Variants in MYOM1 observed in about 807,000 individuals in gnomAD.
MYOM1 encodes myomesin-1.
In MYOM1, 164 loss-of-function variants were observed where a neutral mutation model predicts 205.3. The ratio of observed to expected loss-of-function variants is 0.80; its 90% CI spans 0.70 to 0.91. The LOEUF is 0.91. MYOM1 is among the 40% of genes least tolerant of loss of function. The pLI is 0.00. For synonymous variants in MYOM1, 772 were observed against 789.4 expected (o/e 0.98, Z 0.37); for missense variants, 2,011 against 2,127.3 (o/e 0.95, Z 1.08).
At chr18:3,187,395 G>T in intron 5 of MYOM1, 85 bp downstream of exon 5, 2 of 1,416,522 alleles carry the variant, frequency 1.4e-6, no homozygotes, top group South Asian at 1.3e-5. Flanking sequence ...ATTGACTCTT[G>T]CATATGGTTG....
At chr18:3,080,944 C>T (rs889983044) in intron 33 of MYOM1, among the ~76,000 whole-genome samples, 28 of 151,932 alleles carry the variant, frequency 1.8e-4, no homozygotes, top group African/African-American at 6.5e-4. Context: ...CCAGCCTGGC[C>T]AGCATGGTGA....
At position 3,214,914 on chromosome 18, in the gene MYOM1, G is replaced by A. The variant is rs1470128785; in HGVS notation, c.290+20C>T. The A allele has an allele frequency of 4.5e-6, 7 of 1,560,254 alleles. No homozygotes were observed. Among genetic ancestry groups the A allele is most frequent in the East Asian group, 2.3e-5 (1 of 44,248 alleles). ...GCCTCTTCCTGAGGTTGGAAGGTTGGAGGAGGGCGTCCGACATACCCATGG... is the reference window on the plus strand; with the variant it reads ...GCCTCTTCCTGAGGTTGGAAGGTTGAAGGAGGGCGTCCGACATACCCATGG... On this transcript the variant is annotated intron_variant, in intron 2 of 37. Coordinates refer to ENST00000356443, the MANE Select transcript of MYOM1 (RefSeq NM_003803.4).
intron 2 of MYOM1, among the ~76,000 whole-genome samples, chr18:3,210,051 CTT>C (rs1165092365): frequency 2.0e-5 from 3 of 152,208 alleles, no homozygotes. Context: ...ATGATTATCT[CTT>C]TTCGACCTCA....
intron 14 of MYOM1, among the ~76,000 whole-genome samples, chr18:3,136,644 G>T (rs1335944698): frequency 6.6e-6 from 1 of 151,882 alleles, no homozygotes. Context: ...GCCTAGGCTG[G>T]TCTCGAACTC....
At chr18:3,164,627 G>A (rs1376125551) in intron 9 of MYOM1, among the ~76,000 whole-genome samples, 188 bp from the exon 10 acceptor site, 1 of 152,140 alleles carries the variant, frequency 6.6e-6, no homozygotes, top group East Asian at 1.9e-4. Context: ...AAAGTAAGGG[G>A]ATAAGGGGCA....
chr18:3,118,089 A>C (rs995267335), intron 20 of MYOM1, among the ~76,000 whole-genome samples: 2 of 152,132 alleles, frequency 1.3e-5, no homozygotes, highest in Non-Finnish European at 2.9e-5. Flanking sequence ...TCCTACCCTA[A>C]TTATGCTACT....
upstream of MYOM1, among the ~76,000 whole-genome samples, chr18:3,222,370 G>C (rs1947251672): frequency 6.6e-6 from 1 of 152,234 alleles, no homozygotes; most frequent in Non-Finnish European, 1.5e-5. Context: ...TCACTTAGGA[G>C]ATTCTGCTGG....
In MYOM1 at chr18:3,173,937, C is replaced by T. The variant is rs376204162; in HGVS notation, c.1174+1G>A. On this transcript the variant is annotated splice_donor_variant, in intron 8 of 37. Coordinates refer to ENST00000356443, the MANE Select transcript of MYOM1 (RefSeq NM_003803.4). LOFTEE classifies it high-confidence loss of function. ...CTTAGTAAATGTGTTTTTAAACTTA[C>T]AGCTGAGGGGCATGGTGGAAGCCCC... The T allele has an allele frequency of 6.2e-7, 1 of 1,613,002 alleles. No homozygotes were observed. The highest frequency in any genetic ancestry group is 8.5e-7 in the Non-Finnish European group (1 of 1,179,072).
At chr18:3,087,572 C>T (rs1442020080) in intron 29 of MYOM1, among the ~76,000 whole-genome samples, 5 of 151,286 alleles carry the variant, frequency 3.3e-5, no homozygotes, top group South Asian at 4.2e-4. Flanking sequence ...TCACTGCAAC[C>T]TCAGCCTCCC....
chr18:3,083,948 G>C, intron 32 of MYOM1, 41 bp downstream of exon 32: 1 of 1,582,128 alleles, frequency 6.3e-7, no homozygotes, highest in Non-Finnish European at 8.6e-7. Flanking sequence ...CCTGGCAGGA[G>C]GATCATAAAG....
intron 13 of MYOM1, among the ~76,000 whole-genome samples, chr18:3,147,101 A>AAT (rs930996583): frequency 2.1e-5 from 3 of 141,162 alleles, no homozygotes; most frequent in South Asian, 2.1e-4. Flanking sequence ...ATTATAGATA[A>AAT]ATATATATAT....
chr18:3,207,982 T>C (rs1016162892), intron 2 of MYOM1, among the ~76,000 whole-genome samples: 14 of 152,240 alleles, frequency 9.2e-5, no homozygotes, highest in African/African-American at 3.1e-4. Context: ...GGCCTCAGTC[T>C]ACACATCTAT....
At chr18:3,171,463 T>C (rs561552701) in intron 8 of MYOM1, among the ~76,000 whole-genome samples, 1 of 152,300 alleles carries the variant, frequency 6.6e-6, no homozygotes, top group African/African-American at 2.4e-5. Flanking sequence ...CTTCTGTATC[T>C]GAGATTGGAC....
chr18:3,153,259 C>A (rs2080245642), intron 11 of MYOM1, among the ~76,000 whole-genome samples: 1 of 152,208 alleles, frequency 6.6e-6, no homozygotes, highest in Non-Finnish European at 1.5e-5. Context: ...GCCAGGCTCA[C>A]ATCTGAATTC....
intron 22 of MYOM1, among the ~76,000 whole-genome samples, chr18:3,103,018 T>A (rs1200824447): frequency 6.6e-6 from 1 of 151,936 alleles, no homozygotes; most frequent in African/African-American, 2.4e-5. Flanking sequence ...CAATCAGTCA[T>A]CAGGGAAGGA....
chr18:3,153,303 G>A (rs1176509017), intron 11 of MYOM1, among the ~76,000 whole-genome samples: 1 of 152,162 alleles, frequency 6.6e-6, no homozygotes, highest in Non-Finnish European at 1.5e-5. Context: ...GTGATCTTAG[G>A]TGAGTTAGTG....
chr18:3,200,256 A>T (rs1195204322), intron 2 of MYOM1, among the ~76,000 whole-genome samples: 1 of 152,236 alleles, frequency 6.6e-6, no homozygotes, highest in Non-Finnish European at 1.5e-5. Flanking sequence ...AGGAAAATTC[A>T]GAATTCAGAA....
At chr18:3,104,490 G>A (rs1240540084) in intron 22 of MYOM1, among the ~76,000 whole-genome samples, 2 of 146,900 alleles carry the variant, frequency 1.4e-5, no homozygotes, top group African/African-American at 5.1e-5. Context: ...CAAAAATATT[G>A]GTTAGCTTAA....
Position 3,135,653 on chromosome 18 carries a change from G to A in MYOM1, c.2103C>T (p.Asp701=), listed in dbSNP as rs1229033915. The A allele has an allele frequency of 6.2e-7, 1 of 1,613,998 alleles. No homozygotes were observed. The highest frequency in any genetic ancestry group is 8.5e-7 in the Non-Finnish European group (1 of 1,179,884). ...PVKSPRFALF[D]LAEGKSYCFR... is the part of the protein sequence containing the mutation. ...AACAGTAGGATTTCCCCTCGGCCAAGTCAAACAGAGCAAAGCGGGGAGACT... is the reference window on the plus strand; with the variant it reads ...AACAGTAGGATTTCCCCTCGGCCAAATCAAACAGAGCAAAGCGGGGAGACT... Residue 701 remains aspartate (D), a synonymous_variant, in exon 15 of 38, where the codon GAC becomes GAT. Transcript: ENST00000356443. The surrounding 1 kb of genome is among the most constrained non-coding windows in gnomAD (Gnocchi z 4.1).
Sources: gnomAD v4.1 joint callset for allele counts (sites outside exome capture counted in the v4.1 genomes callset) on GRCh38, gnomAD v4.1.1 for gene constraint, Gnocchi (gnomAD v3.1) non-coding constraint, MANE v1.5 for transcripts, NCBI Gene and HGNC (gene_info 2026-07-23, HGNC 2026-07-21) for gene names.